The following TSHZ2 variants were observed in gnomAD, a reference collection of about 807,000 sequenced individuals.
TSHZ2 encodes teashirt zinc finger homeobox 2.
In TSHZ2, 21 loss-of-function variants were observed where a neutral mutation model predicts 74.4. The observed-to-expected ratio is 0.28, with a 90% confidence interval of 0.20 to 0.41. The LOEUF is 0.41. Among genes scored for constraint, TSHZ2 ranks in the 10% least tolerant of loss-of-function variants. The pLI, the probability that TSHZ2 is intolerant of heterozygous loss-of-function variation, is 1.00. For missense variants in TSHZ2, 1,244 were observed against 1,293.5 expected, an observed-to-expected ratio of 0.96 and a Z score of 0.59; for synonymous variants, 540 against 515.3, an observed-to-expected ratio of 1.05 and a Z score of -0.65.
At chr20:53,042,157 G>A (rs1769048112) in intron 1 of TSHZ2, among the ~76,000 whole-genome samples, 1 of 152,142 alleles carries the variant, frequency 6.6e-6, no homozygotes, top group Non-Finnish European at 1.5e-5. Flanking sequence ...ATAAATATAG[G>A]TATTTATCCC....
intron 1 of TSHZ2, among the ~76,000 whole-genome samples, chr20:53,021,006 G>A (rs144318984): frequency 6.6e-6 from 1 of 152,118 alleles, no homozygotes; most frequent in East Asian, 1.9e-4. Context: ...ATGAAGTAAG[G>A]CTTGTAAAGC....
intron 1 of TSHZ2, among the ~76,000 whole-genome samples, chr20:53,137,296 C>CTTTTT (rs759993398): frequency 7.4e-6 from 1 of 135,264 alleles, no homozygotes; most frequent in African/African-American, 2.7e-5. Context: ...ATTCGTGTTT[C>CTTTTT]TTTTTTTTTT....
In TSHZ2 at chr20:53,223,928, CA is replaced by C. The variant is rs879309960; in HGVS notation, c.41-29570del. Among the ~76,000 whole-genome samples the C allele has an allele frequency of 4.8e-3, 715 of 150,502 alleles. 2 individuals are homozygous for C. The highest frequency in any genetic ancestry group is 7.3e-3 in the Non-Finnish European group (493 of 67,142). On this transcript the variant is annotated intron_variant, in intron 1 of 2. Transcript: ENST00000371497. ...ACACACACACACACACACACACACACACACCCCTAAGTTTAGGTAAAACTGG... is the reference window on the plus strand; with the variant it reads ...ACACACACACACACACACACACACACCACCCCTAAGTTTAGGTAAAACTGG...
At chr20:53,140,539 CAAAAA>C (rs34045440) in intron 1 of TSHZ2, among the ~76,000 whole-genome samples, 8 of 79,782 alleles carry the variant, frequency 1.0e-4, no homozygotes, top group Admixed American at 4.4e-4. Flanking sequence ...GACTCCGTCT[CAAAAA>C]AAAAAAAAAA....
intron 1 of TSHZ2, among the ~76,000 whole-genome samples, chr20:52,992,606 GA>G (rs991349743): frequency 1.1e-4 from 16 of 151,892 alleles, no homozygotes; most frequent in East Asian, 1.9e-4. Context: ...GAATGAAGGG[GA>G]AAAAAATCTT....
chr20:53,220,435 G>A (rs1989527136), intron 1 of TSHZ2, among the ~76,000 whole-genome samples: 1 of 152,220 alleles, frequency 6.6e-6, no homozygotes, highest in African/African-American at 2.4e-5. Context: ...CCTCTACAGG[G>A]TTACTGATTA....
intron 1 of TSHZ2, among the ~76,000 whole-genome samples, chr20:53,230,092 T>G (rs989889664): frequency 5.9e-5 from 9 of 152,006 alleles, no homozygotes; most frequent in African/African-American, 2.2e-4. Flanking sequence ...GACTGTAGTC[T>G]TTCCTGTTCT....
chr20:53,108,921 C>T (rs979176980), intron 1 of TSHZ2, among the ~76,000 whole-genome samples: 6 of 152,148 alleles, frequency 3.9e-5, no homozygotes, highest in Admixed American at 3.9e-4. Context: ...CCTGCAGTTT[C>T]TGAAGAATAC....
intron 2 of TSHZ2, among the ~76,000 whole-genome samples, chr20:53,418,115 A>C (rs934939535): frequency 3.9e-5 from 6 of 152,190 alleles, no homozygotes. Context: ...CTTGCTATGG[A>C]GGGAATATTT....
chr20:53,349,419 A>G (rs1028071072), intron 2 of TSHZ2, among the ~76,000 whole-genome samples: 2 of 152,336 alleles, frequency 1.3e-5, no homozygotes, highest in African/African-American at 4.8e-5. Context: ...TAAGAGGCTG[A>G]GGAAGGCAGA....
intron 1 of TSHZ2, among the ~76,000 whole-genome samples, chr20:53,133,110 GC>G (rs1987151085): frequency 6.6e-6 from 1 of 152,086 alleles, no homozygotes; most frequent in Non-Finnish European, 1.5e-5. Context: ...TGGGAATGCA[GC>G]CCCTGAATTC....
intron 1 of TSHZ2, among the ~76,000 whole-genome samples, chr20:53,156,154 A>AT (rs756405983): frequency 1.3e-5 from 2 of 151,940 alleles, no homozygotes; most frequent in Admixed American, 6.6e-5. Flanking sequence ...TACCATTTTT[A>AT]TTGTTCTTGC....
intron 1 of TSHZ2, among the ~76,000 whole-genome samples, chr20:53,159,332 G>A (rs2123458944): frequency 6.6e-6 from 1 of 152,304 alleles, no homozygotes; most frequent in East Asian, 1.9e-4. Context: ...ATCTGTTTTT[G>A]GAAATAAAGT....
At chr20:53,121,488 A>G (rs1396520860) in intron 1 of TSHZ2, among the ~76,000 whole-genome samples, 1 of 152,176 alleles carries the variant, frequency 6.6e-6, no homozygotes, top group Non-Finnish European at 1.5e-5. Flanking sequence ...GTAATTGGAA[A>G]GACTGCAGGG....
At chr20:53,296,806 A>G (rs1991389212) in intron 2 of TSHZ2, among the ~76,000 whole-genome samples, 1 of 152,226 alleles carries the variant, frequency 6.6e-6, no homozygotes. Context: ...AAGCTTTGGA[A>G]ATTTTCCCCA....
chr20:53,451,031 C>T (rs1196558600), intron 2 of TSHZ2, among the ~76,000 whole-genome samples: 3 of 151,666 alleles, frequency 2.0e-5, no homozygotes, highest in African/African-American at 7.3e-5. Flanking sequence ...CTTTGGAAAA[C>T]AGATTGGAAA....
At chr20:53,112,629 A>G (rs1035503581) in intron 1 of TSHZ2, among the ~76,000 whole-genome samples, 2 of 152,134 alleles carry the variant, frequency 1.3e-5, no homozygotes, top group African/African-American at 4.8e-5. Flanking sequence ...CCTGGGCTCA[A>G]GCAATCCTGA....
intron 2 of TSHZ2, among the ~76,000 whole-genome samples, chr20:53,312,817 T>C (rs1978848964): frequency 6.6e-6 from 1 of 152,224 alleles, no homozygotes; most frequent in Admixed American, 6.5e-5. Context: ...CACTGAATTA[T>C]TAGAGATTTG....
chr20:52,989,582 T>C (rs1981899308), intron 1 of TSHZ2, among the ~76,000 whole-genome samples: 1 of 152,220 alleles, frequency 6.6e-6, no homozygotes, highest in African/African-American at 2.4e-5. Flanking sequence ...TAAGGAGAGT[T>C]CTTACTTCCA....
Sources: gnomAD v4.1 joint callset for allele counts (sites outside exome capture counted in the v4.1 genomes callset) on GRCh38, gnomAD v4.1.1 for gene constraint, MANE v1.5 for transcripts, NCBI Gene and HGNC (gene_info 2026-07-23, HGNC 2026-07-21) for gene names.